The following M1AP variants were observed in gnomAD, a reference collection of about 807,000 sequenced individuals.
The protein encoded by M1AP is meiosis 1 associated protein, also known as meiosis 1 arrest protein.
A neutral mutation model predicts 51.2 loss-of-function variants in M1AP; 39 were observed. That is an observed-to-expected ratio of 0.76 (90% CI 0.59 to 1.00). M1AP has a LOEUF of 1.00. Among genes scored for constraint, M1AP ranks in the 50% least tolerant of loss-of-function variants. The probability of loss-of-function intolerance (pLI) is 0.00; values close to 1 mark genes in which losing one functional copy is unlikely to be tolerated. For missense variants in M1AP, 545 were observed against 641.2 expected, an observed-to-expected ratio of 0.85 and a Z score of 1.62; for synonymous variants, 251 against 249.2, an observed-to-expected ratio of 1.01 and a Z score of -0.07.
chr2:74,621,469 A>G (rs997030091), intron 2 of M1AP, among the ~76,000 whole-genome samples: 2 of 151,954 alleles, frequency 1.3e-5, no homozygotes, highest in African/African-American at 4.8e-5. Context: ...TAAAATACAC[A>G]TAAGACTTTG....
At chr2:74,605,832 C>T (rs566875934) in intron 4 of M1AP, among the ~76,000 whole-genome samples, 1 of 151,016 alleles carries the variant, frequency 6.6e-6, no homozygotes, top group South Asian at 2.1e-4. Flanking sequence ...ACCTGGGAGG[C>T]GGAGCTTGCA....
At chr2:74,569,193 A>C (rs1489440506) in intron 7 of M1AP, among the ~76,000 whole-genome samples, 1 of 152,214 alleles carries the variant, frequency 6.6e-6, no homozygotes, top group African/African-American at 2.4e-5. Context: ...AAACAAATGG[A>C]AATTGTAGAA....
At chr2:74,567,065 G>A (rs1329775143) in intron 7 of M1AP, among the ~76,000 whole-genome samples, 1 of 152,042 alleles carries the variant, frequency 6.6e-6, no homozygotes, top group Non-Finnish European at 1.5e-5. Context: ...AGCAAGATTT[G>A]GTAATAGAAA....
chr2:74,631,987 T>A (rs1217902328), intron 2 of M1AP, among the ~76,000 whole-genome samples: 1 of 152,218 alleles, frequency 6.6e-6, no homozygotes, highest in African/African-American at 2.4e-5. Context: ...GGATTTAAGG[T>A]CATGTTTTTC....
intron 4 of M1AP, among the ~76,000 whole-genome samples, chr2:74,597,473 C>T (rs1288528205): frequency 6.6e-6 from 1 of 152,092 alleles, no homozygotes; most frequent in Non-Finnish European, 1.5e-5. Context: ...AAGAGGCTAC[C>T]CACCCCACCC....
At chr2:74,606,644 ATCCC>A (rs1456589359) in intron 4 of M1AP, among the ~76,000 whole-genome samples, 1 of 152,020 alleles carries the variant, frequency 6.6e-6, no homozygotes, top group Non-Finnish European at 1.5e-5. Flanking sequence ...GGATAGCCCA[ATCCC>A]TTCAAAGTGA....
At chr2:74,595,204 G>T (rs1680260429) in intron 4 of M1AP, among the ~76,000 whole-genome samples, 1 of 152,064 alleles carries the variant, frequency 6.6e-6, no homozygotes, top group Admixed American at 6.5e-5. Flanking sequence ...TTTTGTAGAT[G>T]AAGTCTCACT....
At chr2:74,601,916 G>A (rs1680700328) in intron 4 of M1AP, among the ~76,000 whole-genome samples, 1 of 152,076 alleles carries the variant, frequency 6.6e-6, no homozygotes, top group Non-Finnish European at 1.5e-5. Context: ...TACTAAAGTA[G>A]GCAGCATTTA....
In M1AP at chr2:74,638,003, T is replaced by C. The variant is rs530671773; in HGVS notation, c.240+2033A>G. Among the ~76,000 whole-genome samples, 21 of 152,032 alleles carry C rather than the reference T, an allele frequency of 1.4e-4. 1 individual carries two copies. The highest frequency in any genetic ancestry group is 1.2e-3 in the South Asian group (6 of 4,806). On this transcript the variant is annotated intron_variant, in intron 2 of 10. Transcript: ENST00000421985. The stretch of plus-strand genomic sequence containing the variant: ...ACCACTGGCACCCGCCCCTAGGTTC[T>C]CCCTCTCTGCATTGTAGCTTAGAAA...
intron 7 of M1AP, among the ~76,000 whole-genome samples, chr2:74,566,514 C>T (rs906437334): frequency 1.1e-4 from 16 of 152,046 alleles, no homozygotes; most frequent in African/African-American, 3.6e-4. Flanking sequence ...AACATTCAGT[C>T]ATTTATTAGT....
intron 1 of M1AP, among the ~76,000 whole-genome samples, chr2:74,641,447 G>A (rs1261420007): frequency 2.0e-5 from 3 of 152,168 alleles, no homozygotes; most frequent in Admixed American, 1.3e-4. Context: ...ATAGCTTTAT[G>A]CTAATAAGTT....
chr2:74,606,908 T>C (rs1472244409), intron 4 of M1AP, 147 bp downstream of exon 4: 1 of 314,390 alleles, frequency 3.2e-6, no homozygotes, highest in Non-Finnish European at 5.5e-6. Flanking sequence ...TTTATTATTA[T>C]TATATTTTAA....
At chr2:74,648,198 C>T in intron 1 of M1AP, 67 bp downstream of exon 1, 2 of 959,474 alleles carry the variant, frequency 2.1e-6, no homozygotes, top group South Asian at 9.6e-5. Context: ...CACGCCCAGC[C>T]CAGCCTGCGA....
At chr2:74,586,551 CT>C (rs1679720602) in intron 4 of M1AP, among the ~76,000 whole-genome samples, 1 of 152,234 alleles carries the variant, frequency 6.6e-6, no homozygotes, top group Non-Finnish European at 1.5e-5. Flanking sequence ...TATATCCTCC[CT>C]TATCTAGCTT....
intron 1 of M1AP, among the ~76,000 whole-genome samples, chr2:74,640,761 C>A (rs1040637405): frequency 6.6e-6 from 1 of 152,178 alleles, no homozygotes; most frequent in Non-Finnish European, 1.5e-5. Flanking sequence ...TGGCCCAGGC[C>A]ATCCTATTTT....
intron 4 of M1AP, among the ~76,000 whole-genome samples, chr2:74,583,850 CTT>C (rs992202224): frequency 2.0e-5 from 3 of 152,178 alleles, no homozygotes; most frequent in Non-Finnish European, 4.4e-5. Context: ...TATTTAACAA[CTT>C]ATCCTGCAGC....
At chr2:74,628,415 T>C (rs758552267) in intron 2 of M1AP, 16 of 382,600 alleles carry the variant, frequency 4.2e-5, no homozygotes, top group South Asian at 1.0e-4. Context: ...TTCTGCTGCT[T>C]ACCTTACACC....
chr2:74,586,302 A>G (rs1171925561), intron 4 of M1AP, among the ~76,000 whole-genome samples: 1 of 152,144 alleles, frequency 6.6e-6, no homozygotes, highest in Non-Finnish European at 1.5e-5. Flanking sequence ...TTTCACTTTT[A>G]TCCTCCCTAT....
At chr2:74,646,010 C>A (rs1683588314) in intron 1 of M1AP, among the ~76,000 whole-genome samples, 1 of 152,142 alleles carries the variant, frequency 6.6e-6, no homozygotes, top group Non-Finnish European at 1.5e-5. Flanking sequence ...TAGTATCTAG[C>A]TCTTTAGTTC....
Sources: gnomAD v4.1 joint callset for allele counts (sites outside exome capture counted in the v4.1 genomes callset) on GRCh38, gnomAD v4.1.1 for gene constraint, MANE v1.5 for transcripts, NCBI Gene and HGNC (gene_info 2026-07-23, HGNC 2026-07-21) for gene names.